The following WDR17 variants were observed in gnomAD, a reference collection of about 807,000 sequenced individuals.
WDR17 encodes WD repeat domain 17.
WDR17 carries 143 observed loss-of-function variants against 161.7 expected under a neutral mutation model. That is an observed-to-expected ratio of 0.88 (90% confidence interval 0.77 to 1.02). WDR17 has a LOEUF of 1.02. Among genes scored for constraint, WDR17 ranks in the 50% least tolerant of loss-of-function variants. The probability of loss-of-function intolerance (pLI) is 0.00; values close to 1 mark genes in which losing one functional copy is unlikely to be tolerated. For missense variants in WDR17, 1,469 were observed against 1,520.9 expected (o/e 0.97, Z 0.57); for synonymous variants, 517 against 515.6 (o/e 1.00, Z -0.04).
At chr4:176,156,776 AG>A (rs754393499) in intron 18 of WDR17, among the ~76,000 whole-genome samples, 6 of 152,030 alleles carry the variant, frequency 3.9e-5, no homozygotes, top group Non-Finnish European at 8.8e-5. Context: ...TCATGTTGTC[AG>A]CAAAGTTGGT....
At chr4:176,166,295 C>A in intron 22 of WDR17, 1 of 297,638 alleles carries the variant, frequency 3.4e-6, no homozygotes, top group Non-Finnish European at 6.4e-6. Flanking sequence ...ATTTATAGCA[C>A]ATGAAACCTG....
intron 17 of WDR17, among the ~76,000 whole-genome samples, chr4:176,154,495 A>G (rs1412654860): frequency 6.6e-6 from 1 of 152,044 alleles, no homozygotes; most frequent in Non-Finnish European, 1.5e-5. Flanking sequence ...AGAAAAAAAG[A>G]AAAAAGAAAT....
At chr4:176,146,819 T>C (rs1468079312) in intron 12 of WDR17, among the ~76,000 whole-genome samples, 1 of 152,132 alleles carries the variant, frequency 6.6e-6, no homozygotes, top group African/African-American at 2.4e-5. Context: ...GATTGTAATA[T>C]ACTTTGATAT....
At chr4:176,129,921 C>G (rs1470672273) in intron 6 of WDR17, among the ~76,000 whole-genome samples, 2 of 152,072 alleles carry the variant, frequency 1.3e-5, no homozygotes, top group Non-Finnish European at 2.9e-5. Context: ...AAGCTTTGAA[C>G]TGCCATGTCA....
chr4:176,074,792 G>A (rs1223289964), intron 1 of WDR17, among the ~76,000 whole-genome samples: 4 of 147,464 alleles, frequency 2.7e-5, no homozygotes, highest in Non-Finnish European at 6.0e-5. Flanking sequence ...CTCTGGGCAT[G>A]CGGGATTTTT....
chr4:176,153,456 G>A (rs956924373), intron 17 of WDR17, among the ~76,000 whole-genome samples: 1 of 152,168 alleles, frequency 6.6e-6, no homozygotes, highest in Admixed American at 6.5e-5. Context: ...GAACACGGGA[G>A]AATGGGGCTT....
chr4:176,128,863 A>G lies in WDR17; in HGVS notation c.913+3A>G, dbSNP rs1742904787. The stretch of plus-strand genomic sequence containing the variant: ...TAATTCTCCTCCAAGAAAAAAGTGT[A>G]AGTAAAAATGTTATCAAAATTTTAA... On this transcript the variant is annotated splice_donor_region_variant and intron_variant, in intron 6 of 28. Coordinates refer to ENST00000508596, the MANE Select transcript of WDR17 (RefSeq NM_181265.4). 1 of 1,564,830 alleles carries G rather than the reference A, an allele frequency of 6.4e-7. No individual in the cohort carries two copies.
intron 22 of WDR17, among the ~76,000 whole-genome samples, chr4:176,166,663 C>T (rs1409932818): frequency 6.6e-6 from 1 of 152,092 alleles, no homozygotes; most frequent in Non-Finnish European, 1.5e-5. Flanking sequence ...AATTTTAGCA[C>T]AGCTATTTTA....
chr4:176,168,930 T>C (rs1750291331), intron 23 of WDR17, 147 bp downstream of exon 23: 1 of 806,286 alleles, frequency 1.2e-6, no homozygotes, highest in Admixed American at 3.1e-5. Flanking sequence ...TGTTGTACAA[T>C]AGGAAGTAAC....
chr4:176,074,810 C>CTTTTTTTTTTTTTTTTTTT (rs386357678), intron 1 of WDR17, among the ~76,000 whole-genome samples: 4 of 79,200 alleles, frequency 5.1e-5, no homozygotes, highest in Non-Finnish European at 6.8e-5. Context: ...TTTTTTAATG[C>CTTTTTTTTTTTTTTTTTTT]TTTTTTTTTT....
intron 1 of WDR17, among the ~76,000 whole-genome samples, chr4:176,099,733 C>T (rs186234995): frequency 3.3e-4 from 50 of 152,160 alleles, no homozygotes; most frequent in African/African-American, 1.1e-3. Context: ...TCATCATCCA[C>T]CCCCTCCCAC....
In WDR17 at chr4:176,096,463, G is replaced by A. The variant is rs1360179349; in HGVS notation, c.-6-15112G>A. 2.9e-6 allele frequency: 4 copies of A among 1,400,990 alleles called. No homozygotes were observed. In the African/African-American group the frequency reaches 4.4e-5, roughly 15 times the overall value. The allele number at this position is 1,400,990 out of a possible 1,614,324, so 86.8% of individuals were successfully genotyped here. A position where few individuals can be genotyped will look rare whatever the true frequency, so the allele number is the denominator to read the frequency against. On this transcript the variant is annotated intron_variant, in intron 1 of 28. Transcript: ENST00000508596. ...TTGAAACACATTGTTGTTACTTTAG[G>A]TGCTGACTATTCTGATGCCGAGTTT...
chr4:176,170,375 G>T (rs1750549864), intron 23 of WDR17, among the ~76,000 whole-genome samples: 1 of 149,292 alleles, frequency 6.7e-6, no homozygotes, highest in African/African-American at 2.5e-5. Context: ...GAGTGCAATG[G>T]CACGAGCTCA....
chr4:176,117,236 C>G (rs1368067624), intron 3 of WDR17, among the ~76,000 whole-genome samples: 1 of 151,926 alleles, frequency 6.6e-6, no homozygotes, highest in Non-Finnish European at 1.5e-5. Context: ...CTTTTCATAT[C>G]TCCCCATGTT....
At chr4:176,132,567 T>C (rs918372910) in intron 7 of WDR17, among the ~76,000 whole-genome samples, 4 of 151,954 alleles carry the variant, frequency 2.6e-5, no homozygotes, top group Non-Finnish European at 4.4e-5. Context: ...ATCAATAATA[T>C]TGTATCTTTT....
Position 176,168,696 on chromosome 4 carries a change from G to A in WDR17, c.3015G>A (p.Leu1005=), listed in dbSNP as rs773024936. ...GGAATTTGGCAGCTGATCTTCTTCT[G>A]ATGATTCCTGATAATGAACTACATT... The part of the protein sequence containing the change: ...SVWNLAADLL[L]MIPDNELHLI... The change falls in exon 23 of 29, where the codon CTG becomes CTA. Residue 1005 remains leucine (L), a synonymous_variant. Transcript: ENST00000508596. 3.7e-6 allele frequency: 6 copies of A among 1,613,452 alleles called. No individual in the cohort carries two copies. The highest frequency in any genetic ancestry group is 4.2e-6 in the Non-Finnish European group (5 of 1,179,694).
intron 23 of WDR17, 76 bp from the exon 24 acceptor site, chr4:176,172,299 A>G: frequency 2.2e-6 from 3 of 1,346,984 alleles, no homozygotes; most frequent in South Asian, 2.7e-5. Context: ...GAAAGCTGAA[A>G]GTATTTTGTA....
chr4:176,173,549 C>T (rs1262811141), intron 25 of WDR17, among the ~76,000 whole-genome samples, 180 bp downstream of exon 25: 2 of 152,038 alleles, frequency 1.3e-5, no homozygotes, highest in African/African-American at 4.8e-5. Flanking sequence ...TGAGGTCTTG[C>T]TCTGTCGCCC....
chr4:176,146,089 A>G lies in WDR17; in HGVS notation c.1624A>G (p.Thr542Ala). 1 of 1,614,090 alleles carries G rather than the reference A, an allele frequency of 6.2e-7. No individual in the cohort carries two copies. The highest frequency in any genetic ancestry group is 8.5e-7 in the Non-Finnish European group (1 of 1,179,972). Residue 542 changes from threonine to alanine, a missense_variant, in exon 12 of 29, where the codon ACA becomes GCA. Coordinates refer to ENST00000508596, the MANE Select transcript of WDR17 (RefSeq NM_181265.4). ...ACCATTGAAAGTATTTAGTGGGCAT[A>G]CAGCAAAAGTGTTTCATGTTAAATG... ...DQPLKVFSGH[T>A]AKVFHVKWSP...
Sources: gnomAD v4.1 joint callset for allele counts (sites outside exome capture counted in the v4.1 genomes callset) on GRCh38, gnomAD v4.1.1 for gene constraint, MANE v1.5 for transcripts, NCBI Gene and HGNC (gene_info 2026-07-23, HGNC 2026-07-21) for gene names.